The following HERC2 variants were observed in gnomAD, a reference collection of about 807,000 sequenced individuals.
HERC2 encodes HECT and RLD domain containing E3 ubiquitin protein ligase 2.
In HERC2, 102 loss-of-function variants were observed where a neutral mutation model predicts 537.7. That is an observed-to-expected ratio of 0.19 (90% CI 0.16 to 0.22). HERC2 has a LOEUF of 0.22. Ranked by LOEUF, HERC2 falls within the 10% of genes least tolerant of loss-of-function variation. The pLI, the probability that HERC2 is intolerant of heterozygous loss-of-function variation, is 1.00. For missense variants in HERC2, 4,236 were observed against 6,198.2 expected, an observed-to-expected ratio of 0.68 and a Z score of 10.63; for synonymous variants, 2,224 against 2,466.2, an observed-to-expected ratio of 0.90 and a Z score of 2.91.
chr15:28,113,758 G>T lies in HERC2; in HGVS notation c.13914-80C>A. 1 of 1,170,138 alleles carries T rather than the reference G, an allele frequency of 8.5e-7. No individual in the cohort carries two copies. Among genetic ancestry groups the T allele is most frequent in the Non-Finnish European group, 1.3e-6 (1 of 793,480 alleles). 72.5% of individuals were successfully genotyped at this position (1,170,138 alleles called of 1,614,324 possible). ...TGCTCACACCAAGCCTTGGCATGCA[G>T]CACTGTGGCCGCACACGTCCCAGCT... is the stretch of plus-strand genomic sequence containing the variant. On this transcript the variant is annotated intron_variant, in intron 90 of 92. Transcript: ENST00000261609. This position sits in a 1 kb window ranked among gnomAD's most constrained non-coding sequence, Gnocchi z 7.0.
intron 74 of HERC2, 152 bp from the exon 75 acceptor site, chr15:28,143,104 A>G (rs1891390229): frequency 4.3e-6 from 3 of 690,782 alleles, no homozygotes; most frequent in Non-Finnish European, 7.0e-6. Flanking sequence ...CAAGTAGGAA[A>G]AAAGCTAAAA....
At chr15:28,205,106 C>A (rs146672468) in intron 45 of HERC2, among the ~76,000 whole-genome samples, 5 of 151,998 alleles carry the variant, frequency 3.3e-5, no homozygotes, top group African/African-American at 1.2e-4. Flanking sequence ...ATAGAAAATA[C>A]GAAAAGCAAC....
At chr15:28,253,529 A>C (rs1241153427) in intron 20 of HERC2, among the ~76,000 whole-genome samples, 1 of 152,176 alleles carries the variant, frequency 6.6e-6, no homozygotes, top group African/African-American at 2.4e-5. Flanking sequence ...CCTCTCACCT[A>C]TATTGAAAAG....
At chr15:28,139,258 A>C (rs1207817959) in intron 78 of HERC2, among the ~76,000 whole-genome samples, 1 of 152,210 alleles carries the variant, frequency 6.6e-6, no homozygotes, top group Non-Finnish European at 1.5e-5. Flanking sequence ...GAGTGTGGTC[A>C]CTTCTGTGAT....
At chr15:28,255,286 C>T (rs190241478) in intron 19 of HERC2, among the ~76,000 whole-genome samples, 2 of 152,230 alleles carry the variant, frequency 1.3e-5, no homozygotes, top group East Asian at 3.9e-4. Context: ...AGTGAGCCAA[C>T]ATCAGGTCAC....
In HERC2 at chr15:28,113,347, G is replaced by A. The variant is rs1016284539; in HGVS notation, c.14020-64C>T. 2.0e-5 allele frequency: 31 copies of A among 1,513,092 alleles called. No homozygotes were observed. The highest frequency in any genetic ancestry group is 1.7e-4 in the Middle Eastern group (1 of 5,870). 93.7% of individuals were successfully genotyped at this position (1,513,092 alleles called of 1,614,324 possible). ...CACCCTGGCATTTCCGCAAGACTCC[G>A]TCACGCTCCCTCTCTACACCAAGGC... On this transcript the variant is annotated intron_variant, in intron 91 of 92. Coordinates refer to ENST00000261609, the MANE Select transcript of HERC2 (RefSeq NM_004667.6). This position sits in a 1 kb window ranked among gnomAD's most constrained non-coding sequence, Gnocchi z 7.0.
At position 28,115,522 on chromosome 15, in the gene HERC2, G is replaced by T. The variant is rs748435422; in HGVS notation, c.13629C>A (p.Ala4543=). ...GGCTCAGGGGACTCCCGGTTCGGAT[G>T]GCAATGCCCAGCAACACACCTGATC... The part of the protein sequence containing the change: ...FRFLGVLLGI[A]IRTGSPLSLN... The change falls in exon 89 of 93, where the codon GCC becomes GCA. Residue 4543 remains alanine, a synonymous_variant. Transcript: ENST00000261609. 1.2e-6 allele frequency: 2 copies of T among 1,613,928 alleles called. No individual in the cohort carries two copies. The highest frequency in any genetic ancestry group is 1.1e-5 in the South Asian group (1 of 91,072).
intron 23 of HERC2, among the ~76,000 whole-genome samples, chr15:28,245,566 T>TACACACAC (rs200862998): frequency 2.5e-4 from 30 of 119,254 alleles, no homozygotes; most frequent in African/African-American, 7.3e-4. Context: ...AAAAAATATA[T>TACACACAC]ACACACACAC....
At chr15:28,243,889 G>A (rs989625315) in intron 23 of HERC2, among the ~76,000 whole-genome samples, 2 of 152,196 alleles carry the variant, frequency 1.3e-5, no homozygotes, top group Non-Finnish European at 2.9e-5. Context: ...AGAAACAGAT[G>A]TAAGAATGTT....
chr15:28,315,695 G>A (rs1227740782), intron 2 of HERC2: 39 of 809,498 alleles, frequency 4.8e-5, no homozygotes, highest in Non-Finnish European at 6.6e-5. Flanking sequence ...TCTGCGCCAT[G>A]AGAGCCAAGT....
chr15:28,287,898 G>A (rs527383549), intron 4 of HERC2, among the ~76,000 whole-genome samples: 8 of 151,530 alleles, frequency 5.3e-5, no homozygotes, highest in Non-Finnish European at 8.8e-5. Context: ...TAATTTTTTT[G>A]TATCTTTAGT....
chr15:28,232,037 C>G (rs1206924152), intron 30 of HERC2, among the ~76,000 whole-genome samples: 8 of 152,146 alleles, frequency 5.3e-5, no homozygotes, highest in Non-Finnish European at 7.4e-5. Flanking sequence ...GGAATCGCAG[C>G]AGTGTGACTG....
At chr15:28,262,407 T>C (rs1484206547) in intron 15 of HERC2, among the ~76,000 whole-genome samples, 1 of 152,186 alleles carries the variant, frequency 6.6e-6, no homozygotes, top group South Asian at 2.1e-4. Flanking sequence ...TCTACATACC[T>C]TGGCTTCCAT....
chr15:28,187,317 G>A (rs1000507256), intron 55 of HERC2, among the ~76,000 whole-genome samples: 2 of 151,774 alleles, frequency 1.3e-5, no homozygotes, highest in Admixed American at 6.6e-5. Flanking sequence ...AATTAAGGAG[G>A]TCTGGTTTTT....
At chr15:28,143,065 A>C in intron 74 of HERC2, 113 bp from the exon 75 acceptor site, 1 of 972,084 alleles carries the variant, frequency 1.0e-6, no homozygotes, top group East Asian at 2.7e-5. Context: ...TTCTAAAAAA[A>C]CTAAAAAAAA....
chr15:28,202,591 C>G lies in HERC2; in HGVS notation c.7236G>C (p.Gln2412His). The G allele has an allele frequency of 1.6e-6, 1 of 641,522 alleles. No individual in the cohort carries two copies. The highest frequency in any genetic ancestry group is 3.0e-5 in the East Asian group (1 of 33,792). The allele number at this position is 641,522 out of a possible 1,614,324, so 39.7% of individuals were successfully genotyped here. A position where few individuals can be genotyped will look rare whatever the true frequency, so the allele number is the denominator to read the frequency against. Reference protein sequence around the residue: ...ELEAAALAVCQCLAVESTHPS... With the variant: ...ELEAAALAVCHCLAVESTHPS... ...GGTGAGTGGACTCCACAGCCAAGCA[C>G]TGGCAAACGGCCAGTGCAGCAGCCT... Residue 2412 changes from glutamine (Q) to histidine (H), a missense_variant, in exon 46 of 93, where the codon CAG becomes CAC. Physicochemically the swap from Gln to His is conservative, Grantham distance 24 (BLOSUM62 0). Coordinates refer to ENST00000261609, the MANE Select transcript of HERC2 (RefSeq NM_004667.6).
In HERC2 at chr15:28,122,718, G is replaced by A. The variant is rs1437147689; in HGVS notation, c.13189-1289C>T. Among the ~76,000 whole-genome samples, 1 of 152,114 alleles carries A rather than the reference G, an allele frequency of 6.6e-6. No homozygotes were observed. The highest frequency in any genetic ancestry group is 2.4e-5 in the African/African-American group (1 of 41,418). The stretch of plus-strand genomic sequence containing the variant: ...CCGATCCTCACCATAACCAGGACCA[G>A]AACCGAGGCTGCCTACACATTCCCT... On this transcript the variant is annotated intron_variant, in intron 85 of 92. Coordinates refer to ENST00000261609, the MANE Select transcript of HERC2 (RefSeq NM_004667.6). The surrounding 1 kb of genome is among the most constrained non-coding windows in gnomAD (Gnocchi z 4.1).
intron 16 of HERC2, among the ~76,000 whole-genome samples, chr15:28,258,682 T>C (rs1311970932): frequency 6.6e-6 from 1 of 151,592 alleles, no homozygotes. Flanking sequence ...CTTAAGAAAC[T>C]AGAAAAAGAA....
At chr15:28,309,349 G>A (rs1437161360) in intron 2 of HERC2, among the ~76,000 whole-genome samples, 1 of 152,124 alleles carries the variant, frequency 6.6e-6, no homozygotes, top group Non-Finnish European at 1.5e-5. Context: ...CTAGTGTTGA[G>A]TGCATATATA....
Sources: gnomAD v4.1 joint callset for allele counts (sites outside exome capture counted in the v4.1 genomes callset) on GRCh38, gnomAD v4.1.1 for gene constraint, Gnocchi (gnomAD v3.1) non-coding constraint, MANE v1.5 for transcripts, NCBI Gene and HGNC (gene_info 2026-07-23, HGNC 2026-07-21) for gene names.